Variants in CES5A observed in about 807,000 individuals in gnomAD.
The protein encoded by CES5A is carboxylesterase 5A, also known as carboxylesterase 5.
In CES5A, 67 loss-of-function variants were observed where a neutral mutation model predicts 62.9. The observed-to-expected ratio is 1.07, with a 90% confidence interval of 0.88 to 1.31. The LOEUF (loss-of-function observed/expected upper bound fraction) is 1.31. Ranked by LOEUF, CES5A falls within the 50% of genes most tolerant of loss-of-function variation. The pLI, the probability that CES5A is intolerant of heterozygous loss-of-function variation, is 0.00. For missense variants in CES5A, 748 were observed against 708.5 expected, an observed-to-expected ratio of 1.06 and a Z score of -0.63; for synonymous variants, 296 against 280.8, an observed-to-expected ratio of 1.05 and a Z score of -0.54.
At chr16:55,891,591 C>A (rs568104806) in intron 1 of CES5A, among the ~76,000 whole-genome samples, 54 of 152,286 alleles carry the variant, frequency 3.5e-4, no homozygotes, top group Non-Finnish European at 5.9e-4. Context: ...AGGTGACAGA[C>A]AAACAGTTGC....
chr16:55,854,944 C>A (rs1227484748), intron 9 of CES5A, among the ~76,000 whole-genome samples: 1 of 152,198 alleles, frequency 6.6e-6, no homozygotes, highest in East Asian at 1.9e-4. Flanking sequence ...AGCATTCTCT[C>A]CTGCTGCAGC....
At chr16:55,854,371 C>A (rs528561382) in intron 9 of CES5A, among the ~76,000 whole-genome samples, 1 of 151,886 alleles carries the variant, frequency 6.6e-6, no homozygotes, top group Non-Finnish European at 1.5e-5. Flanking sequence ...CAATGAGCAT[C>A]TTCTCCATGA....
At chr16:55,894,000 T>C (rs566734238) in intron 1 of CES5A, among the ~76,000 whole-genome samples, 2 of 152,008 alleles carry the variant, frequency 1.3e-5, no homozygotes, top group Middle Eastern at 3.4e-3. Flanking sequence ...AAAGACACAT[T>C]GGATTGTAGA....
chr16:55,941,894 A>G (rs2034450262), intron 2 of CES5A, among the ~76,000 whole-genome samples: 1 of 152,164 alleles, frequency 6.6e-6, no homozygotes, highest in South Asian at 2.1e-4. Flanking sequence ...CCAAAAGTCA[A>G]TGGTACTATC....
At chr16:55,850,640 TG>T (rs2142383154) in intron 10 of CES5A, among the ~76,000 whole-genome samples, 1 of 152,376 alleles carries the variant, frequency 6.6e-6, no homozygotes, top group African/African-American at 2.4e-5. Context: ...GATGAACATT[TG>T]GGTTTTAACC....
rs767667007 is a variant in CES5A at position 55,846,891 on chromosome 16, C to G, written c.1424-51G>C. ...GCTGCTCTGGGTGAGGCTCGGGAAG[C>G]CCCGGGTGCCTTGTATTTGATTAAT... is the stretch of plus-strand genomic sequence containing the variant. On this transcript the variant is annotated intron_variant, in intron 11 of 12. Transcript: ENST00000290567. 30 of 1,476,828 alleles carry G rather than the reference C, an allele frequency of 2.0e-5. No homozygotes were observed. The African/African-American group carries it at 4.0e-4, about 20-fold the overall frequency. The allele number at this position is 1,476,828 out of a possible 1,614,324, so 91.5% of individuals were successfully genotyped here. A position where few individuals can be genotyped will look rare whatever the true frequency, so the allele number is the denominator to read the frequency against.
chr16:55,865,038 C>G (rs1398950249), intron 5 of CES5A, among the ~76,000 whole-genome samples: 1 of 149,276 alleles, frequency 6.7e-6, no homozygotes, highest in Non-Finnish European at 1.5e-5. Context: ...GAAACCCCAT[C>G]TCTACTAAAA....
intron 1 of CES5A, among the ~76,000 whole-genome samples, chr16:55,907,838 G>A (rs1288849771): frequency 2.6e-5 from 4 of 152,150 alleles, no homozygotes; most frequent in Non-Finnish European, 2.9e-5. Context: ...TGTGACTGAT[G>A]AGCGGGTCTG....
intron 2 of CES5A, among the ~76,000 whole-genome samples, chr16:55,946,955 TC>T (rs1468813755): frequency 4.6e-5 from 7 of 152,190 alleles, no homozygotes; most frequent in African/African-American, 1.4e-4. Flanking sequence ...TGACTTCACA[TC>T]TGCTCACATC....
At chr16:55,910,892 G>A (rs2142450087) in intron 1 of CES5A, among the ~76,000 whole-genome samples, 1 of 151,322 alleles carries the variant, frequency 6.6e-6, no homozygotes, top group South Asian at 2.2e-4. Flanking sequence ...AAGACTGGAG[G>A]TACCAGGGTC....
At chr16:55,934,288 T>C (rs2034344762) in intron 2 of CES5A, among the ~76,000 whole-genome samples, 2 of 152,238 alleles carry the variant, frequency 1.3e-5, no homozygotes, top group Admixed American at 1.3e-4. Context: ...TGTATATTAT[T>C]GTTTTGTTCA....
chr16:55,859,235 C>A (rs1336445415), intron 8 of CES5A, among the ~76,000 whole-genome samples: 2 of 152,212 alleles, frequency 1.3e-5, no homozygotes, highest in African/African-American at 2.4e-5. Context: ...GTGGTAACTG[C>A]ATTTTTTGGA....
rs1225973091 is a variant in CES5A at position 55,849,617 on chromosome 16, C to T, written c.1423+7G>A. 1.2e-6 allele frequency: 2 copies of T among 1,613,808 alleles called. No homozygotes were observed. Among genetic ancestry groups the T allele is most frequent in the Admixed American group, 3.3e-5 (2 of 60,018 alleles). Reference sequence around the variant, plus strand: ...ATGTGAACTGTGGGAAGTGGCCAGTCCCTTACCGAACATAACAATGTCCCC... The same window carrying T: ...ATGTGAACTGTGGGAAGTGGCCAGTTCCTTACCGAACATAACAATGTCCCC... On this transcript the variant is annotated splice_region_variant and intron_variant, in intron 11 of 12. Transcript: ENST00000290567.
In CES5A at chr16:55,861,395, G is replaced by GC. The variant is rs1567327789; in HGVS notation, c.915+16dup. ...GAAGGGCAAGCCTGCCCCCAAAACT[G>GC]CCCCCTCTGTCCTCACCTGGCTGAG... On this transcript the variant is annotated intron_variant, in intron 7 of 12. Transcript: ENST00000290567. The GC allele has an allele frequency of 3.3e-6, 5 of 1,507,056 alleles. No homozygotes were observed. The highest frequency in any genetic ancestry group is 4.6e-6 in the Non-Finnish European group (5 of 1,083,782). 93.4% of individuals were successfully genotyped at this position (1,507,056 alleles called of 1,614,324 possible). A position where few individuals can be genotyped will look rare whatever the true frequency, so the allele number is the denominator to read the frequency against.
intron 2 of CES5A, among the ~76,000 whole-genome samples, chr16:55,934,569 T>C (rs1419765752): frequency 2.0e-5 from 3 of 152,238 alleles, no homozygotes; most frequent in African/African-American, 7.2e-5. Flanking sequence ...TAATTTACTA[T>C]GACTTTGCCT....
At chr16:55,873,750 C>T in intron 2 of CES5A, 83 bp downstream of exon 2, 3 of 1,289,872 alleles carry the variant, frequency 2.3e-6, no homozygotes, top group Non-Finnish European at 3.3e-6. Context: ...GCCAATCCCT[C>T]TTCTTTCACA....
chr16:55,937,687 G>C (rs1451573565), intron 2 of CES5A, among the ~76,000 whole-genome samples: 1 of 152,180 alleles, frequency 6.6e-6, no homozygotes, highest in African/African-American at 2.4e-5. Flanking sequence ...GAGTCTGGAT[G>C]GTGTGGGCTA....
chr16:55,930,222 C>A (rs1402386611), upstream of CES5A, among the ~76,000 whole-genome samples: 1 of 151,730 alleles, frequency 6.6e-6, no homozygotes, highest in East Asian at 1.9e-4. Context: ...AATTCAGCAA[C>A]CAAAGGACCA....
At chr16:55,950,400 G>A (rs921806617) in intron 1 of CES5A, among the ~76,000 whole-genome samples, 1 of 152,156 alleles carries the variant, frequency 6.6e-6, no homozygotes, top group Non-Finnish European at 1.5e-5. Flanking sequence ...TCATGCAAGG[G>A]AATGTAGCAC....
Sources: gnomAD v4.1 joint callset for allele counts (sites outside exome capture counted in the v4.1 genomes callset) on GRCh38, gnomAD v4.1.1 for gene constraint, MANE v1.5 for transcripts, NCBI Gene and HGNC (gene_info 2026-07-23, HGNC 2026-07-21) for gene names.